CNTN5: variants seen among roughly 807,000 people sequenced by gnomAD.
The protein encoded by CNTN5 is contactin-5.
Under a neutral mutation model 129.1 loss-of-function variants are expected in CNTN5, and 77 were observed. That is an observed-to-expected ratio of 0.60 (90% confidence interval 0.50 to 0.72). The LOEUF (loss-of-function observed/expected upper bound fraction) is 0.72. Among genes scored for constraint, CNTN5 ranks in the 30% least tolerant of loss-of-function variants. The probability of loss-of-function intolerance (pLI) is 0.00; values close to 1 mark genes in which losing one functional copy is unlikely to be tolerated. For missense variants in CNTN5, 1,478 were observed against 1,328.8 expected (o/e 1.11, Z -1.75); for synonymous variants, 509 against 465.6 (o/e 1.09, Z -1.20).
intron 8 of CNTN5, among the ~76,000 whole-genome samples, chr11:99,988,025 T>G (rs1429035230): frequency 6.6e-6 from 1 of 152,198 alleles, no homozygotes; most frequent in Non-Finnish European, 1.5e-5. Flanking sequence ...CAAAAATCCC[T>G]GTGATGAAGC....
intron 3 of CNTN5, among the ~76,000 whole-genome samples, chr11:99,766,308 A>G (rs183111637): frequency 1.0e-3 from 152 of 152,152 alleles, no homozygotes; most frequent in Non-Finnish European, 1.7e-3. Flanking sequence ...TCAGAAATAT[A>G]TTTTGAATGA....
chr11:99,632,597 A>G (rs1404685881), intron 3 of CNTN5, among the ~76,000 whole-genome samples: 1 of 152,144 alleles, frequency 6.6e-6, no homozygotes, highest in Non-Finnish European at 1.5e-5. Flanking sequence ...GCCTGAACTC[A>G]TGGCTTTCAA....
chr11:99,114,384 A>T (rs1454252390), intron 1 of CNTN5, among the ~76,000 whole-genome samples: 1 of 151,860 alleles, frequency 6.6e-6, no homozygotes, highest in African/African-American at 2.4e-5. Context: ...AAATGCTCAG[A>T]GGTCTTCTTC....
intron 2 of CNTN5, among the ~76,000 whole-genome samples, chr11:99,396,257 G>T (rs4282956): frequency 0.94 from 142,123 of 151,532 alleles, 67,058 homozygotes; most frequent in African/African-American, 0.98. Flanking sequence ...TTAAATACGA[G>T]CATAATAGAA....
intron 13 of CNTN5, among the ~76,000 whole-genome samples, chr11:100,139,244 A>G (rs12364336): frequency 0.094 from 14,361 of 152,186 alleles, 853 homozygotes; most frequent in Non-Finnish European, 0.13. Flanking sequence ...GCCCCGGTTT[A>G]GCTCACCATG....
intron 6 of CNTN5, among the ~76,000 whole-genome samples, chr11:99,905,316 A>T (rs1242810173): frequency 6.6e-6 from 1 of 152,146 alleles, no homozygotes; most frequent in South Asian, 2.1e-4. Flanking sequence ...TAATTTTTGT[A>T]TAAGGTGTAA....
intron 13 of CNTN5, among the ~76,000 whole-genome samples, chr11:100,125,038 T>C (rs1486333611): frequency 1.3e-5 from 2 of 152,066 alleles, no homozygotes; most frequent in East Asian, 3.9e-4. Context: ...AACAGGTGAT[T>C]GCCAATGCTA....
At chr11:99,920,892 G>T (rs912425750) in intron 7 of CNTN5, among the ~76,000 whole-genome samples, 2 of 152,088 alleles carry the variant, frequency 1.3e-5, no homozygotes, top group African/African-American at 4.8e-5. Context: ...CATAGAAGGT[G>T]GTATTTGGAG....
intron 7 of CNTN5, among the ~76,000 whole-genome samples, chr11:99,921,079 G>A (rs915701496): frequency 6.6e-6 from 1 of 152,086 alleles, no homozygotes; most frequent in African/African-American, 2.4e-5. Flanking sequence ...CAACCATGCT[G>A]TCACCTAATC....
chr11:100,155,570 G>A (rs2138331678), intron 13 of CNTN5, among the ~76,000 whole-genome samples: 1 of 152,200 alleles, frequency 6.6e-6, no homozygotes, highest in South Asian at 2.1e-4. Flanking sequence ...GTCAGTGGTA[G>A]CTTGATGGGG....
Position 100,318,245 on chromosome 11 carries a change from A to G in CNTN5, c.2730+9777A>G, listed in dbSNP as rs985843358. Among the ~76,000 whole-genome samples the G allele has an allele frequency of 1.0e-3, 151 of 149,910 alleles. 1 individual carries two copies. The highest frequency in any genetic ancestry group is 5.7e-3 in the South Asian group (27 of 4,724). ...AATAGAGCGAGACTCTGTCTCAGAA[A>G]AAAAAAAAAAAAAAAAAAAGTCTCA... On this transcript the variant is annotated intron_variant, in intron 21 of 24. Coordinates refer to ENST00000524871, the MANE Select transcript of CNTN5 (RefSeq NM_014361.4).
At chr11:99,886,638 G>A (rs897434889) in intron 6 of CNTN5, among the ~76,000 whole-genome samples, 5 of 152,070 alleles carry the variant, frequency 3.3e-5, no homozygotes, top group South Asian at 2.1e-4. Flanking sequence ...TAGCAGGATC[G>A]GTTGTCTTAA....
rs192108569 is a variant in CNTN5, at chr11:99,543,100, A to T, written c.-70-13045A>T. On this transcript the variant is annotated intron_variant, in intron 2 of 24. Coordinates refer to ENST00000524871, the MANE Select transcript of CNTN5 (RefSeq NM_014361.4). ...TGTTATATATATATTCCTGGAATAG[A>T]ATTCTTTCTGTCAAAACATCTGCAA... Among the ~76,000 whole-genome samples the T allele has an allele frequency of 4.6e-5, 7 of 152,256 alleles. No homozygotes were observed. In the East Asian group the frequency reaches 1.4e-3, roughly 29 times the overall value.
chr11:99,453,994 A>C (rs1013161393), intron 2 of CNTN5, among the ~76,000 whole-genome samples: 1 of 152,184 alleles, frequency 6.6e-6, no homozygotes, highest in Non-Finnish European at 1.5e-5. Flanking sequence ...TAGTATTCCA[A>C]TCTTCACTCA....
chr11:100,039,499 A>ATTTCTCTGT (rs1280040843), intron 9 of CNTN5, among the ~76,000 whole-genome samples: 1 of 151,970 alleles, frequency 6.6e-6, no homozygotes. Context: ...GTATTTCCTG[A>ATTTCTCTGT]ATTTGAATGT....
chr11:100,295,068 T>A (rs573162864), intron 18 of CNTN5, among the ~76,000 whole-genome samples: 6 of 151,668 alleles, frequency 4.0e-5, no homozygotes, highest in Admixed American at 3.3e-4. Context: ...TCTAGTAAAC[T>A]TTTTTTAAAA....
At chr11:99,954,798 C>T (rs368023770) in intron 7 of CNTN5, among the ~76,000 whole-genome samples, 2 of 152,076 alleles carry the variant, frequency 1.3e-5, no homozygotes, top group East Asian at 1.9e-4. Context: ...TCTTCTATTG[C>T]GTACTATTTC....
At chr11:99,283,375 C>G (rs1863785249) in intron 1 of CNTN5, among the ~76,000 whole-genome samples, 1 of 152,106 alleles carries the variant, frequency 6.6e-6, no homozygotes, top group African/African-American at 2.4e-5. Context: ...TTGTTTCTCT[C>G]TGTCTCACAC....
chr11:100,043,590 C>A (rs1032992019), intron 9 of CNTN5, among the ~76,000 whole-genome samples: 3 of 152,126 alleles, frequency 2.0e-5, no homozygotes, highest in African/African-American at 4.8e-5. Flanking sequence ...TTTAGCATAC[C>A]AAACTATGTA....
Sources: allele counts gnomAD v4.1 joint callset (sites outside exome capture counted in the v4.1 genomes callset), GRCh38; gene constraint gnomAD v4.1.1; transcripts MANE v1.5; gene names NCBI Gene and HGNC (gene_info 2026-07-23, HGNC 2026-07-21).